AVPR2: variants seen among roughly 807,000 people sequenced by gnomAD.
AVPR2 encodes vasopressin V2 receptor.
A neutral mutation model predicts 12.0 loss-of-function variants in AVPR2; 3 were observed. The observed-to-expected ratio is 0.25, with a 90% confidence interval of 0.11 to 0.64. AVPR2 has a LOEUF of 0.64. AVPR2 is among the 30% of genes least tolerant of loss of function. The pLI, the probability that AVPR2 is intolerant of heterozygous loss-of-function variation, is 0.84. For synonymous variants in AVPR2, 143 were observed against 147.5 expected (o/e 0.97, Z 0.22); for missense variants, 279 against 347.9 (o/e 0.80, Z 1.58).
chrX:153,905,518 C>A lies in AVPR2; in HGVS notation c.26-14C>A, dbSNP rs781795563. 2 of 1,176,403 alleles carry A rather than the reference C, an allele frequency of 1.7e-6. No homozygotes were observed. The highest frequency in any genetic ancestry group is 6.3e-5 in the East Asian group (2 of 31,709). On this transcript the variant is annotated splice_polypyrimidine_tract_variant and intron_variant, in intron 2 of 3. Coordinates refer to ENST00000646375, the MANE Select transcript of AVPR2 (RefSeq NM_000054.7). ...ACCCTCTCTAACCAGGCCCTCTTCC[C>A]GACTCCTTCCCAGCTGTGCCTGGGC...
Position 153,905,019 on chromosome X carries a change from T to A in AVPR2, c.-127T>A. ...ACACGTGCACACACGCCAACAGGCATCTGCCATGCTGGCATCTCTATAAGG... is the reference window on the plus strand; with the variant it reads ...ACACGTGCACACACGCCAACAGGCAACTGCCATGCTGGCATCTCTATAAGG... On this transcript the variant is annotated 5_prime_UTR_variant, in exon 2 of 4. Coordinates refer to ENST00000646375, the MANE Select transcript of AVPR2 (RefSeq NM_000054.7). 1.0e-6 allele frequency: 1 copy of A among 964,515 alleles called. No individual in the cohort carries two copies. 79.5% of individuals were successfully genotyped at this position (964,515 alleles called of 1,213,427 possible).
chrX:153,905,325 AGGGCTGGGGCTG>A (rs1236639144), intron 2 of AVPR2, among the ~76,000 whole-genome samples, 155 bp downstream of exon 2: 126 of 112,672 alleles, frequency 1.1e-3, no homozygotes, highest in African/African-American at 3.3e-3. Flanking sequence ...CTTCCCCGCC[AGGGCTGGGGCTG>A]GGGCTGGGGC....
rs782425427 is a variant in AVPR2, at chrX:153,906,847, G to A, written c.*119G>A. ...AGAATTGGCCAGAGCCTGTGGCCCCGAGGCTGGGACACTGTGTGGCCCTGG... is the reference window on the plus strand; with the variant it reads ...AGAATTGGCCAGAGCCTGTGGCCCCAAGGCTGGGACACTGTGTGGCCCTGG... On this transcript the variant is annotated 3_prime_UTR_variant, in exon 4 of 4. Coordinates refer to ENST00000646375, the MANE Select transcript of AVPR2 (RefSeq NM_000054.7). The A allele has an allele frequency of 3.7e-5, 29 of 776,765 alleles. No individual in the cohort carries two copies. Among genetic ancestry groups the A allele is most frequent in the Non-Finnish European group, 5.0e-5 (26 of 519,374 alleles). 64.0% of individuals were successfully genotyped at this position (776,765 alleles called of 1,213,427 possible).
At chrX:153,902,716 C>T, upstream of AVPR2, 4 of 329,996 alleles carry the variant, frequency 1.2e-5, no homozygotes, top group South Asian at 1.0e-4. Context: ...CGGGCCCTTC[C>T]TCCAGATTCT....
rs1322201864 is a variant in AVPR2, at chrX:153,906,637, G to A, written c.1025G>A (p.Cys342Tyr). Residue 342 changes from cysteine (C) to tyrosine (Y), a missense_variant, in exon 4 of 4, where the codon TGT (cysteine) becomes TAT (tyrosine). Transcript: ENST00000646375. Reference protein sequence around the residue: ...VSSELRSLLCCARGRTPPSLG... With the variant: ...VSSELRSLLCYARGRTPPSLG... ...TCAGAGCTGCGAAGCTTGCTCTGCT[G>A]TGCCCGGGGACGCACCCCACCCAGC... The A allele has an allele frequency of 5.8e-6, 7 of 1,206,505 alleles. No homozygotes were observed. The highest frequency in any genetic ancestry group is 3.0e-5 in the East Asian group (1 of 33,708).
Position 153,906,800 on chromosome X carries a change from C to A in AVPR2, c.*72C>A. Reference sequence around the variant, plus strand: ...GCCTTCCTGGGGCTGGTCCTGGGAGCCACTGGGAGGGGGACCCGTGGAGAA... The same window carrying A: ...GCCTTCCTGGGGCTGGTCCTGGGAGACACTGGGAGGGGGACCCGTGGAGAA... On this transcript the variant is annotated 3_prime_UTR_variant, in exon 4 of 4. Coordinates refer to ENST00000646375, the MANE Select transcript of AVPR2 (RefSeq NM_000054.7). 9.6e-7 allele frequency: 1 copy of A among 1,037,238 alleles called. No individual in the cohort carries two copies. Among genetic ancestry groups the A allele is most frequent in the Non-Finnish European group, 1.3e-6 (1 of 751,841 alleles). 85.5% of individuals were successfully genotyped at this position (1,037,238 alleles called of 1,213,427 possible).
chrX:153,905,537 C>T lies in AVPR2; in HGVS notation c.31C>T (p.Pro11Ser). ...TCTTCCCGACTCCTTCCCAGCTGTG[C>T]CTGGGCATCCCTCTCTGCCCAGCCT... MLMASTTSAV[P>S]GHPSLPSLPS... Residue 11 changes from proline (P) to serine (S), a missense_variant, in exon 3 of 4, where the codon CCT becomes TCT. Transcript: ENST00000646375. The T allele has an allele frequency of 8.4e-7, 1 of 1,188,166 alleles. No homozygotes were observed. The highest frequency in any genetic ancestry group is 1.8e-5 in the South Asian group (1 of 54,620).
At chrX:153,902,808 C>G, upstream of AVPR2, 1 of 324,687 alleles carries the variant, frequency 3.1e-6, no homozygotes. Flanking sequence ...GGGGAGGTCC[C>G]AACCTGCTGC....
In AVPR2 at chrX:153,906,687, A is replaced by G. The variant is rs1557101141; in HGVS notation, c.1075A>G (p.Thr359Ala). Residue 359 changes from threonine to alanine, a missense_variant, in exon 4 of 4, where the codon ACC (threonine) becomes GCC (alanine). Thr to Ala is a moderately conservative substitution (Grantham distance 58). Coordinates refer to ENST00000646375, the MANE Select transcript of AVPR2 (RefSeq NM_000054.7). ...CCTGGGTCCCCAAGATGAGTCCTGC[A>G]CCACCGCCAGCTCCTCCCTGGCCAA... ...PSLGPQDESCTTASSSLAKDT... is the reference protein window; with the variant it reads ...PSLGPQDESCATASSSLAKDT... 5 of 1,212,071 alleles carry G rather than the reference A, an allele frequency of 4.1e-6. No homozygotes were observed. Among genetic ancestry groups the G allele is most frequent in the Non-Finnish European group, 5.6e-6 (5 of 895,456 alleles).
rs5200 is a variant in AVPR2 at position 153,905,946 on chromosome X, C to T, written c.440C>T (p.Ala147Val). The T allele has an allele frequency of 2.9e-3, 3,504 of 1,203,388 alleles. 59 individuals are homozygous for T. In the African/African-American group the frequency reaches 0.052, roughly 18 times the overall value. The change falls in exon 3 of 4, where the codon GCG (alanine) becomes GTG (valine). Residue 147 changes from alanine (A) to valine (V), a missense_variant. By Grantham distance (64) the Ala-to-Val change is moderately conservative (BLOSUM62 0). Transcript: ENST00000646375. ...CGTGCCATCTGCCGTCCCATGCTGG[C>T]GTACCGCCATGGAAGTGGGGCTCAC... Reference protein sequence around the residue: ...RHRAICRPMLAYRHGSGAHWN... With the variant: ...RHRAICRPMLVYRHGSGAHWN...
At chrX:153,903,597 A>G (rs1348257227), upstream of AVPR2, among the ~76,000 whole-genome samples, 1 of 109,853 alleles carries the variant, frequency 9.1e-6, no homozygotes, top group Non-Finnish European at 1.9e-5. Flanking sequence ...GCATGTATGT[A>G]TGTGGTGTGG....
rs2064952948 is a variant in AVPR2, at chrX:153,905,065, G to A, written c.-81G>A. The A allele has an allele frequency of 8.5e-7, 1 of 1,174,707 alleles. No individual in the cohort carries two copies. Among genetic ancestry groups the A allele is most frequent in the Non-Finnish European group, 1.2e-6 (1 of 861,604 alleles). Reference sequence around the variant, plus strand: ...TAAGGGCTCCAGTCCAGAGACCCTGGGCCATTGAACTTGCTCCTCAGGCAG... The same window carrying A: ...TAAGGGCTCCAGTCCAGAGACCCTGAGCCATTGAACTTGCTCCTCAGGCAG... On this transcript the variant is annotated 5_prime_UTR_variant, in exon 2 of 4. It introduces an in-frame stop codon into an upstream open reading frame of the 5' UTR. Transcript: ENST00000646375.
intron 2 of AVPR2, 105 bp downstream of exon 2, chrX:153,905,275 C>G: frequency 9.0e-7 from 1 of 1,106,796 alleles, no homozygotes; most frequent in Non-Finnish European, 1.2e-6. Context: ...GGGTGTGTCT[C>G]TCCAGGCTGC....
chrX:153,905,314 A>T, intron 2 of AVPR2, 144 bp downstream of exon 2: 1 of 975,978 alleles, frequency 1.0e-6, no homozygotes, highest in Non-Finnish European at 1.4e-6. Flanking sequence ...GCACAGCCCC[A>T]CTTCCCCGCC....
upstream of AVPR2, among the ~76,000 whole-genome samples, chrX:153,904,026 T>C (rs762655): frequency 0.49 from 53,884 of 109,788 alleles, 11,530 homozygotes; most frequent in African/African-American, 0.81. Flanking sequence ...GTCTCTGTGT[T>C]GTGTGTTTGT....
At position 153,905,630 on chromosome X, in the gene AVPR2, G is replaced by A; in HGVS notation, c.124G>A (p.Ala42Thr). The A allele has an allele frequency of 8.3e-7, 1 of 1,211,260 alleles. No homozygotes were observed. Among genetic ancestry groups the A allele is most frequent in the Non-Finnish European group, 1.1e-6 (1 of 895,246 alleles). The change falls in exon 3 of 4, where the codon GCG becomes ACG. Residue 42 changes from alanine (A) to threonine (T), a missense_variant. Coordinates refer to ENST00000646375, the MANE Select transcript of AVPR2 (RefSeq NM_000054.7). Reference protein sequence around the residue: ...RDPLLARAELALLSIVFVAVA... With the variant: ...RDPLLARAELTLLSIVFVAVA... ...CCCGCTGCTAGCCCGGGCGGAGCTG[G>A]CGCTGCTCTCCATAGTCTTTGTGGC...
At chrX:153,904,278 G>A (rs1435152014), upstream of AVPR2, among the ~76,000 whole-genome samples, 5 of 112,530 alleles carry the variant, frequency 4.4e-5, no homozygotes, top group Admixed American at 9.3e-5. Flanking sequence ...AGGGGCCTGC[G>A]TGGGCCTGGG....
chrX:153,905,394 C>A, intron 2 of AVPR2, 138 bp from the exon 3 acceptor site: 8 of 816,559 alleles, frequency 9.8e-6, no homozygotes, highest in Non-Finnish European at 1.1e-5. Flanking sequence ...GGTGTGTATC[C>A]CTCATAACAT....
intron 2 of AVPR2, 35 bp downstream of exon 2, chrX:153,905,205 A>G: frequency 8.3e-7 from 1 of 1,209,115 alleles, no homozygotes. Flanking sequence ...CGGTGGGCAG[A>G]GTGGGTTTGA....
Sources: allele counts gnomAD v4.1 joint callset (sites outside exome capture counted in the v4.1 genomes callset), GRCh38; gene constraint gnomAD v4.1.1; transcripts MANE v1.5; gene names NCBI Gene and HGNC (gene_info 2026-07-23, HGNC 2026-07-21).